The following TDRD1 variants were observed in gnomAD, a reference collection of about 807,000 sequenced individuals.
TDRD1 encodes the protein tudor domain containing 1, also known as tudor domain-containing protein 1.
TDRD1 carries 37 observed loss-of-function variants against 140.6 expected under a neutral mutation model. The ratio of observed to expected loss-of-function variants is 0.26; its 90% CI spans 0.20 to 0.35. The LOEUF (loss-of-function observed/expected upper bound fraction) is 0.35, where lower values mean the gene tolerates loss of function less well. TDRD1 is among the 10% of genes least tolerant of loss of function. The probability of loss-of-function intolerance (pLI) is 1.00; values close to 1 mark genes in which losing one functional copy is unlikely to be tolerated. For synonymous variants in TDRD1, 506 were observed against 475.7 expected (o/e 1.06, Z -0.83); for missense variants, 1,243 against 1,393.0 (o/e 0.89, Z 1.71).
At chr10:114,211,578 T>G (rs1195816185) in intron 13 of TDRD1, among the ~76,000 whole-genome samples, 2 of 152,248 alleles carry the variant, frequency 1.3e-5, no homozygotes, top group Non-Finnish European at 1.5e-5. Context: ...ACCTTGTGAT[T>G]CACATGATCA....
chr10:114,203,537 A>T (rs1157803819), exon 8 of TDRD1: 1 of 1,610,866 alleles, frequency 6.2e-7, no homozygotes, highest in Non-Finnish European at 8.5e-7. Context: ...TTAAGGGGGA[A>T]GTTTGTATTG....
chr10:114,225,849 C>G (rs117035601), intron 21 of TDRD1, among the ~76,000 whole-genome samples, 200 bp from the exon 22 acceptor site: 1 of 148,226 alleles, frequency 6.7e-6, no homozygotes, highest in African/African-American at 2.5e-5. Flanking sequence ...AGAGCCAGAC[C>G]CTGTCTCAAA....
At chr10:114,190,043 TTAAG>T (rs2033844373) in intron 2 of TDRD1, among the ~76,000 whole-genome samples, 1 of 152,200 alleles carries the variant, frequency 6.6e-6, no homozygotes. Flanking sequence ...GAGGAGAACA[TTAAG>T]TATTCCTCCT....
At chr10:114,216,368 C>T (rs2035815176) in intron 16 of TDRD1, among the ~76,000 whole-genome samples, 1 of 152,174 alleles carries the variant, frequency 6.6e-6, no homozygotes, top group African/African-American at 2.4e-5. Context: ...CATCTAGTTG[C>T]TCCACATCCT....
chr10:114,220,953 G>C, intron 19 of TDRD1, 110 bp downstream of exon 19: 1 of 682,482 alleles, frequency 1.5e-6, no homozygotes, highest in Non-Finnish European at 2.5e-6. Context: ...TATGCTTTAC[G>C]GACATAGATT....
At chr10:114,185,531 A>G (rs769119189) in intron 1 of TDRD1, among the ~76,000 whole-genome samples, 13 of 151,832 alleles carry the variant, frequency 8.6e-5, no homozygotes, top group Non-Finnish European at 2.9e-5. Context: ...ACGTGTCTCA[A>G]TAGTTTCTAC....
chr10:114,217,826 A>G (rs2035907043), intron 17 of TDRD1, among the ~76,000 whole-genome samples, 171 bp downstream of exon 17: 2 of 152,200 alleles, frequency 1.3e-5, no homozygotes, highest in Non-Finnish European at 2.9e-5. Flanking sequence ...AGGAACTTAC[A>G]AGTGATACTT....
At position 114,221,345 on chromosome 10, in the gene TDRD1, G is replaced by C; in HGVS notation, c.2771-12G>C. The C allele has an allele frequency of 6.2e-7, 1 of 1,612,066 alleles. No individual in the cohort carries two copies. ...TTATTCCGTGTGAGACCTGTGTTTT[G>C]TATGTTTCCAGCTACCTCTTCAGCT... On this transcript the variant is annotated splice_polypyrimidine_tract_variant and intron_variant, in intron 19 of 25. Transcript: ENST00000251864.
chr10:114,231,300 AGCT>A (rs2036741200), intron 25 of TDRD1, among the ~76,000 whole-genome samples: 1 of 152,194 alleles, frequency 6.6e-6, no homozygotes. Flanking sequence ...GAGTATAAAC[AGCT>A]GTACTTAGCA....
chr10:114,222,137 A>G (rs540757263), intron 20 of TDRD1, among the ~76,000 whole-genome samples: 2 of 152,336 alleles, frequency 1.3e-5, no homozygotes, highest in East Asian at 3.9e-4. Flanking sequence ...CTCTAATACT[A>G]CAAAAGGATC....
At chr10:114,210,542 A>G in intron 11 of TDRD1, 39 bp from the exon 12 acceptor site, 2 of 1,525,074 alleles carry the variant, frequency 1.3e-6, no homozygotes, top group East Asian at 2.3e-5. Flanking sequence ...ACTTTGGATG[A>G]AAACAAAATG....
chr10:114,200,948 C>G (rs1334931822), intron 4 of TDRD1, among the ~76,000 whole-genome samples: 1 of 149,752 alleles, frequency 6.7e-6, no homozygotes, highest in Non-Finnish European at 1.5e-5. Flanking sequence ...CTCTGCCTCC[C>G]GGGTTCGAGA....
At chr10:114,202,850 C>T (rs1283262722) in intron 6 of TDRD1, among the ~76,000 whole-genome samples, 1 of 152,242 alleles carries the variant, frequency 6.6e-6, no homozygotes, top group Non-Finnish European at 1.5e-5. Context: ...TCAACCTTCT[C>T]TTCACCCACG....
At chr10:114,195,962 A>T (rs542181884) in intron 3 of TDRD1, among the ~76,000 whole-genome samples, 1 of 152,264 alleles carries the variant, frequency 6.6e-6, no homozygotes, top group Non-Finnish European at 1.5e-5. Context: ...CTTAGTTATC[A>T]TTTTACCAAT....
upstream of TDRD1, among the ~76,000 whole-genome samples, chr10:114,175,681 C>G (rs2032678909): frequency 6.6e-6 from 1 of 152,054 alleles, no homozygotes; most frequent in Non-Finnish European, 1.5e-5. Context: ...TAGCAGAAAG[C>G]AAGGAAGAAA....
chr10:114,180,316 C>T (rs1209667681), intron 1 of TDRD1, among the ~76,000 whole-genome samples: 5 of 152,160 alleles, frequency 3.3e-5, no homozygotes. Context: ...TTAACTACTG[C>T]CCTCTGCATT....
At chr10:114,228,942 G>T in intron 25 of TDRD1, 1 of 205,094 alleles carries the variant, frequency 4.9e-6, no homozygotes, top group Non-Finnish European at 8.6e-6. Flanking sequence ...AATTAGCTGG[G>T]CATGGTGGTG....
At chr10:114,197,464 C>T (rs1483660543) in intron 3 of TDRD1, among the ~76,000 whole-genome samples, 1 of 151,936 alleles carries the variant, frequency 6.6e-6, no homozygotes, top group African/African-American at 2.4e-5. Flanking sequence ...TTGTTTCAAG[C>T]CTATTCATAA....
chr10:114,178,936 CTCAG>C (rs1393519195), upstream of TDRD1, among the ~76,000 whole-genome samples: 1 of 151,774 alleles, frequency 6.6e-6, no homozygotes, highest in African/African-American at 2.4e-5. Flanking sequence ...ATCACATGCC[CTCAG>C]TCAGGAAGCA....
Sources: allele counts gnomAD v4.1 joint callset (sites outside exome capture counted in the v4.1 genomes callset), GRCh38; gene constraint gnomAD v4.1.1; transcripts MANE v1.5; gene names NCBI Gene and HGNC (gene_info 2026-07-23, HGNC 2026-07-21).